The following NDST1 variants were observed in gnomAD, a reference collection of about 807,000 sequenced individuals.
NDST1 encodes N-deacetylase and N-sulfotransferase 1.
A neutral mutation model predicts 92.8 loss-of-function variants in NDST1; 35 were observed. That is an observed-to-expected ratio of 0.38 (90% CI 0.29 to 0.50). The LOEUF is 0.50. Ranked by LOEUF, NDST1 falls within the 20% of genes least tolerant of loss-of-function variation. The probability of loss-of-function intolerance (pLI) is 0.94; values close to 1 mark genes in which losing one functional copy is unlikely to be tolerated. For synonymous variants in NDST1, 493 were observed against 500.3 expected (o/e 0.99, Z 0.19); for missense variants, 822 against 1,182.7 (o/e 0.69, Z 4.47).
chr5:150,553,093 G>A lies in NDST1; in HGVS notation c.2530-120G>A, dbSNP rs181806957. ...TGACCTCAGGTGATCCACATGCCTC[G>A]GCCTCCCAAAGTGCTGGGATTACAG... On this transcript the variant is annotated intron_variant, in intron 14 of 14. Transcript: ENST00000261797. The surrounding 1 kb of genome is among the most constrained non-coding windows in gnomAD (Gnocchi z 4.2). 4.7e-5 allele frequency: 48 copies of A among 1,011,642 alleles called. No individual in the cohort carries two copies. Among genetic ancestry groups the A allele is most frequent in the African/African-American group, 2.6e-4 (16 of 62,048 alleles). The allele number at this position is 1,011,642 out of a possible 1,614,324, so 62.7% of individuals were successfully genotyped here.
At chr5:150,542,327 G>A (rs1326167961) in intron 9 of NDST1, among the ~76,000 whole-genome samples, 2 of 152,236 alleles carry the variant, frequency 1.3e-5, no homozygotes, top group Non-Finnish European at 2.9e-5. Flanking sequence ...TCACTGAGGA[G>A]GAGGTAGGGC....
At position 150,527,979 on chromosome 5, in the gene NDST1, C is replaced by T. The variant is rs1290116298; in HGVS notation, c.689C>T (p.Ser230Leu). 1.9e-6 allele frequency: 3 copies of T among 1,613,948 alleles called. No homozygotes were observed. The highest frequency in any genetic ancestry group is 2.5e-6 in the Non-Finnish European group (3 of 1,179,934). Residue 230 changes from serine to leucine, a missense_variant, in exon 3 of 15, where the codon TCA becomes TTA. Physicochemically the swap from Ser to Leu is moderately radical, Grantham distance 145. Coordinates refer to ENST00000261797, the MANE Select transcript of NDST1 (RefSeq NM_001543.5). ...LPGEDWTVFQ[S>L]NHSTYEPVLL... ...GGCGAGGACTGGACGGTTTTCCAGT[C>T]AAATCACTCCACCTATGAGCCAGTG...
chr5:150,530,822 A>G (rs1443554661), intron 3 of NDST1, among the ~76,000 whole-genome samples: 6 of 152,122 alleles, frequency 3.9e-5, no homozygotes, highest in East Asian at 1.9e-4. Context: ...GGCCTCCCAA[A>G]GTGCTGGGTT....
intron 13 of NDST1, among the ~76,000 whole-genome samples, chr5:150,551,103 T>C (rs191500656): frequency 6.6e-6 from 1 of 152,318 alleles, no homozygotes; most frequent in East Asian, 1.9e-4. Flanking sequence ...AATCTCCTCA[T>C]AGTTCCTCAT....
chr5:150,503,305 G>A (rs1000571088), upstream of NDST1, among the ~76,000 whole-genome samples: 3 of 152,038 alleles, frequency 2.0e-5, no homozygotes, highest in Non-Finnish European at 4.4e-5. Flanking sequence ...AGCCAGACAC[G>A]GTGGCACACA....
At chr5:150,547,776 C>G (rs1000812099) in intron 11 of NDST1, among the ~76,000 whole-genome samples, 2 of 152,182 alleles carry the variant, frequency 1.3e-5, no homozygotes, top group Admixed American at 6.5e-5. Flanking sequence ...ACCTCCACCC[C>G]CCGAGTTTAA....
intron 11 of NDST1, among the ~76,000 whole-genome samples, chr5:150,547,198 C>G (rs754160147): frequency 5.9e-5 from 9 of 152,212 alleles, no homozygotes; most frequent in Non-Finnish European, 1.5e-5. Flanking sequence ...ATCTAAGACC[C>G]TATTCCTTTT....
Position 150,521,441 on chromosome 5 carries a change from G to A in NDST1, c.187G>A (p.Ala63Thr), listed in dbSNP as rs1561594191. The A allele has an allele frequency of 6.2e-7, 1 of 1,613,214 alleles. No individual in the cohort carries two copies. Among genetic ancestry groups the A allele is most frequent in the Non-Finnish European group, 8.5e-7 (1 of 1,179,874 alleles). ...EPDCGDPPPV[A>T]PSRLLPLKPV... Reference sequence around the variant, plus strand: ...TGACTGCGGGGACCCGCCGCCTGTGGCCCCCAGTCGCCTGCTGCCACTCAA... The same window carrying A: ...TGACTGCGGGGACCCGCCGCCTGTGACCCCCAGTCGCCTGCTGCCACTCAA... Residue 63 changes from alanine (A) to threonine (T), a missense_variant, in exon 2 of 15, where the codon GCC (alanine) becomes ACC (threonine). Coordinates refer to ENST00000261797, the MANE Select transcript of NDST1 (RefSeq NM_001543.5). This position sits in a 1 kb window ranked among gnomAD's most constrained non-coding sequence, Gnocchi z 5.9.
upstream of NDST1, among the ~76,000 whole-genome samples, chr5:150,506,576 T>A (rs1357389488): frequency 6.6e-6 from 1 of 152,146 alleles, no homozygotes; most frequent in East Asian, 1.9e-4. Flanking sequence ...CTATTCCTCT[T>A]TAAAAGGAGC....
At chr5:150,514,822 C>T (rs1753886684) in intron 1 of NDST1, among the ~76,000 whole-genome samples, 1 of 152,174 alleles carries the variant, frequency 6.6e-6, no homozygotes, top group African/African-American at 2.4e-5. Flanking sequence ...ATAATAACAG[C>T]TGCTCATTCA....
At position 150,521,578 on chromosome 5, in the gene NDST1, C is replaced by T. The variant is rs1014569429; in HGVS notation, c.324C>T (p.Arg108=). Residue 108 remains arginine (R), a synonymous_variant, in exon 2 of 15, where the codon CGC becomes CGT. Transcript: ENST00000261797. This position sits in a 1 kb window ranked among gnomAD's most constrained non-coding sequence, Gnocchi z 5.9. ...TGGTGGCCATCCTGGAGTCCAGCCG[C>T]TTCAAATACCGCACAGAGATTGCGC... ...QEVVAILESS[R]FKYRTEIAPG... is the part of the protein sequence containing the mutation. The T allele has an allele frequency of 1.2e-6, 2 of 1,614,048 alleles. No individual in the cohort carries two copies. The highest frequency in any genetic ancestry group is 1.7e-6 in the Non-Finnish European group (2 of 1,180,032).
At chr5:150,529,627 G>A (rs1238959936) in intron 3 of NDST1, among the ~76,000 whole-genome samples, 1 of 152,180 alleles carries the variant, frequency 6.6e-6, no homozygotes, top group Non-Finnish European at 1.5e-5. Context: ...GCCATAAATA[G>A]AGGGCAACCA....
intron 2 of NDST1, among the ~76,000 whole-genome samples, chr5:150,522,895 C>T (rs768107261): frequency 3.3e-5 from 5 of 152,200 alleles, no homozygotes; most frequent in Admixed American, 6.5e-5. Flanking sequence ...GAAGAAGGGA[C>T]GTTAAGTGCA....
chr5:150,514,602 G>T (rs1450745983), intron 1 of NDST1, among the ~76,000 whole-genome samples: 2 of 151,546 alleles, frequency 1.3e-5, no homozygotes, highest in Non-Finnish European at 2.9e-5. Flanking sequence ...ACAGTGCCAG[G>T]CTCATAGTAT....
At chr5:150,500,590 A>G (rs1182246651) in intron 1 of NDST1, among the ~76,000 whole-genome samples, 1 of 152,192 alleles carries the variant, frequency 6.6e-6, no homozygotes, top group Non-Finnish European at 1.5e-5. Flanking sequence ...GGAGTTTCAC[A>G]TTCACATTAG....
At chr5:150,540,312 A>G in intron 8 of NDST1, 48 bp downstream of exon 8, 1 of 1,549,418 alleles carries the variant, frequency 6.5e-7, no homozygotes, top group Non-Finnish European at 8.8e-7. Flanking sequence ...ATGGAACGCC[A>G]CCACTCACAG....
intron 2 of NDST1, among the ~76,000 whole-genome samples, chr5:150,525,924 T>C (rs1306939880): frequency 6.6e-6 from 1 of 152,200 alleles, no homozygotes; most frequent in Non-Finnish European, 1.5e-5. Flanking sequence ...TTAGAACCTG[T>C]CATCCTTTGA....
chr5:150,507,580 T>C (rs994384686), upstream of NDST1: 2 of 152,384 alleles, frequency 1.3e-5, no homozygotes, highest in African/African-American at 4.8e-5. Context: ...CTCTGCAGGG[T>C]GGGGCACAGG....
intron 1 of NDST1, among the ~76,000 whole-genome samples, chr5:150,512,360 C>G (rs1172834825): frequency 6.6e-6 from 1 of 152,158 alleles, no homozygotes; most frequent in Non-Finnish European, 1.5e-5. Context: ...CACCTTCCCC[C>G]ATTCACTGCA....
Sources: gnomAD v4.1 joint callset for allele counts (sites outside exome capture counted in the v4.1 genomes callset) on GRCh38, gnomAD v4.1.1 for gene constraint, Gnocchi (gnomAD v3.1) non-coding constraint, MANE v1.5 for transcripts, NCBI Gene and HGNC (gene_info 2026-07-23, HGNC 2026-07-21) for gene names.